The following MAN1C1 variants were observed in gnomAD, a reference collection of about 807,000 sequenced individuals.
MAN1C1 encodes mannosidase alpha class 1C member 1.
Under a neutral mutation model 71.5 loss-of-function variants are expected in MAN1C1, and 49 were observed. The ratio of observed to expected loss-of-function variants is 0.69; its 90% CI spans 0.54 to 0.87. The LOEUF is 0.87. MAN1C1 is among the 40% of genes least tolerant of loss of function. The probability of loss-of-function intolerance (pLI) is 0.00; values close to 1 mark genes in which losing one functional copy is unlikely to be tolerated. For synonymous variants in MAN1C1, 352 were observed against 343.7 expected (o/e 1.02, Z -0.27); for missense variants, 743 against 835.0 (o/e 0.89, Z 1.36).
chr1:25,657,896 T>C (rs749316701), intron 1 of MAN1C1, among the ~76,000 whole-genome samples: 1 of 152,238 alleles, frequency 6.6e-6, no homozygotes, highest in Non-Finnish European at 1.5e-5. Context: ...AACCCCAGGC[T>C]GAGCCTGTGT....
In MAN1C1 at chr1:25,617,727, C is replaced by T. The variant is rs1209936331; in HGVS notation, c.-71C>T. 1 of 1,451,106 alleles carries T rather than the reference C, an allele frequency of 6.9e-7. No homozygotes were observed. Among genetic ancestry groups the T allele is most frequent in the African/African-American group, 1.5e-5 (1 of 67,272 alleles). The allele number at this position is 1,451,106 out of a possible 1,614,324, so 89.9% of individuals were successfully genotyped here. ...CATCCCGGGCGGCGCTCCGGACGCC[C>T]TCCCCTCACCGCGCCCCCGCAGACA... On this transcript the variant is annotated 5_prime_UTR_variant, in exon 1 of 12. Coordinates refer to ENST00000374332, the MANE Select transcript of MAN1C1 (RefSeq NM_020379.4). This position sits in a 1 kb window ranked among gnomAD's most constrained non-coding sequence, Gnocchi z 5.1.
chr1:25,658,054 G>A (rs1194502674), intron 1 of MAN1C1, among the ~76,000 whole-genome samples: 1 of 152,206 alleles, frequency 6.6e-6, no homozygotes, highest in African/African-American at 2.4e-5. Flanking sequence ...CTGCCCCCTG[G>A]CCTTGACCTG....
intron 7 of MAN1C1, among the ~76,000 whole-genome samples, chr1:25,768,043 T>C (rs373275360): frequency 3.8e-4 from 20 of 53,192 alleles, no homozygotes; most frequent in Admixed American, 8.8e-4. Context: ...TCCCCTCACA[T>C]ACATCCACAC....
In MAN1C1 at chr1:25,764,733, A is replaced by AAAAC. The variant is rs143322859; in HGVS notation, c.1141+790_1141+793dup. Among the ~76,000 whole-genome samples, 336 of 152,094 alleles carry AAAAC rather than the reference A, an allele frequency of 2.2e-3. No individual in the cohort carries two copies. The highest frequency in any genetic ancestry group is 2.5e-3 in the East Asian group (13 of 5,134). On this transcript the variant is annotated intron_variant, in intron 7 of 11. Coordinates refer to ENST00000374332, the MANE Select transcript of MAN1C1 (RefSeq NM_020379.4). This position sits in a 1 kb window ranked among gnomAD's most constrained non-coding sequence, Gnocchi z 4.4. ...ACGCCTGGCTCCAACTTTAATTTAA[A>AAAAC]AAACAAACAAACAAACAAACAAACA...
At chr1:25,632,003 C>T (rs904864063) in intron 1 of MAN1C1, among the ~76,000 whole-genome samples, 8 of 152,140 alleles carry the variant, frequency 5.3e-5, no homozygotes, top group African/African-American at 7.2e-5. Context: ...ATCCTGAACT[C>T]CTGACCTCAA....
At chr1:25,696,715 T>C (rs978369694) in intron 2 of MAN1C1, among the ~76,000 whole-genome samples, 3 of 152,132 alleles carry the variant, frequency 2.0e-5, no homozygotes, top group Admixed American at 6.5e-5. Context: ...GGTGTGACCA[T>C]AGCTCACTGC....
intron 5 of MAN1C1, among the ~76,000 whole-genome samples, chr1:25,757,205 C>T (rs948917682): frequency 6.6e-6 from 1 of 152,220 alleles, no homozygotes; most frequent in Non-Finnish European, 1.5e-5. Flanking sequence ...GACCTCCACA[C>T]CCCCACGCCT....
At chr1:25,657,115 G>A (rs939510596) in intron 1 of MAN1C1, among the ~76,000 whole-genome samples, 43 of 152,258 alleles carry the variant, frequency 2.8e-4, no homozygotes, top group African/African-American at 8.2e-4. Flanking sequence ...GTGAGCCACC[G>A]CGCCCAGCCC....
intron 1 of MAN1C1, among the ~76,000 whole-genome samples, chr1:25,656,085 G>A (rs1451911650): frequency 9.2e-6 from 1 of 108,754 alleles, no homozygotes; most frequent in Non-Finnish European, 1.8e-5. Context: ...CTTAGGTTGG[G>A]ATTATCAGTC....
intron 1 of MAN1C1, among the ~76,000 whole-genome samples, chr1:25,665,239 C>T (rs996984737): frequency 2.6e-5 from 4 of 152,162 alleles, no homozygotes; most frequent in South Asian, 2.1e-4. Flanking sequence ...TGCCTGGTAA[C>T]GTCCCTTTGT....
chr1:25,690,985 C>T (rs958192700), intron 2 of MAN1C1, among the ~76,000 whole-genome samples: 7 of 152,142 alleles, frequency 4.6e-5, no homozygotes, highest in Admixed American at 1.3e-4. Flanking sequence ...TTACACCTGC[C>T]GCTAGGCTTT....
At chr1:25,774,872 T>C (rs973279048) in intron 8 of MAN1C1, among the ~76,000 whole-genome samples, 7 of 152,096 alleles carry the variant, frequency 4.6e-5, no homozygotes, top group Middle Eastern at 3.2e-3. Flanking sequence ...CTTGCACCGC[T>C]GCTTGCTGTG....
chr1:25,618,094 G>T lies in MAN1C1; in HGVS notation c.297G>T (p.Trp99Cys). ...CGGGCGAGGATGACCCCAGCAGCTG[G>T]GCCAGTCCCCGCCGCAGGAAAGGGG... ...PAPGEDDPSS[W>C]ASPRRRKGGL... Residue 99 changes from tryptophan (W) to cysteine (C), a missense_variant, in exon 1 of 12, where the codon TGG becomes TGT. Coordinates refer to ENST00000374332, the MANE Select transcript of MAN1C1 (RefSeq NM_020379.4). The T allele has an allele frequency of 6.6e-7, 1 of 1,515,636 alleles. No individual in the cohort carries two copies. The highest frequency in any genetic ancestry group is 1.4e-5 in the African/African-American group (1 of 69,910). The allele number at this position is 1,515,636 out of a possible 1,614,324, so 93.9% of individuals were successfully genotyped here. A position where few individuals can be genotyped will look rare whatever the true frequency, so the allele number is the denominator to read the frequency against.
In MAN1C1 at chr1:25,758,617, G is replaced by A. The variant is rs367876949; in HGVS notation, c.955G>A (p.Gly319Ser). 2.8e-5 allele frequency: 46 copies of A among 1,614,058 alleles called. No homozygotes were observed. Among genetic ancestry groups the A allele is most frequent in the Middle Eastern group, 3.3e-4 (2 of 6,084 alleles). Residue 319 changes from glycine (G) to serine (S), a missense_variant, in exon 6 of 12, where the codon GGC becomes AGC. Coordinates refer to ENST00000374332, the MANE Select transcript of MAN1C1 (RefSeq NM_020379.4). ...TGGGAACTGGGGCTGGGCCACAGCC[G>A]GCAGCAGCAGCATCTTGGCGGAGTT... ...KSGNWGWATA[G>S]SSSILAEFGS...
At chr1:25,633,551 A>G (rs1205547423) in intron 1 of MAN1C1, among the ~76,000 whole-genome samples, 1 of 62,766 alleles carries the variant, frequency 1.6e-5, no homozygotes, top group Non-Finnish European at 2.6e-5. Context: ...TTTTTTTTTC[A>G]CTGTTGTTGC....
At chr1:25,621,079 A>G (rs1474427597) in intron 1 of MAN1C1, among the ~76,000 whole-genome samples, 1 of 152,204 alleles carries the variant, frequency 6.6e-6, no homozygotes, top group Non-Finnish European at 1.5e-5. Context: ...CCTTCCTGTA[A>G]AATGGGGTGA....
intron 2 of MAN1C1, among the ~76,000 whole-genome samples, chr1:25,732,927 C>T (rs1404182457): frequency 6.6e-6 from 1 of 152,190 alleles, no homozygotes; most frequent in Non-Finnish European, 1.5e-5. Flanking sequence ...CTGTGGTCCA[C>T]AGGCCGTGTT....
intron 2 of MAN1C1, among the ~76,000 whole-genome samples, chr1:25,699,407 G>GC (rs1187944082): frequency 6.6e-6 from 1 of 152,136 alleles, no homozygotes; most frequent in African/African-American, 2.4e-5. Flanking sequence ...CAAGACCTCG[G>GC]CCCCTTGGGG....
In MAN1C1 at chr1:25,643,665, C is replaced by T. The variant is rs1008175240; in HGVS notation, c.540+25328C>T. ...GATTACAGACACCCGCCACCCCACCCAGCTAATTTTTTTGTATTTTTAGTA... is the reference window on the plus strand; with the variant it reads ...GATTACAGACACCCGCCACCCCACCTAGCTAATTTTTTTGTATTTTTAGTA... On this transcript the variant is annotated intron_variant, in intron 1 of 11. Transcript: ENST00000374332. Among the ~76,000 whole-genome samples, 3 of 149,970 alleles carry T rather than the reference C, an allele frequency of 2.0e-5. No individual in the cohort carries two copies. The East Asian group carries it at 5.9e-4, about 29-fold the overall frequency.
Sources: gnomAD v4.1 joint callset for allele counts (sites outside exome capture counted in the v4.1 genomes callset) on GRCh38, gnomAD v4.1.1 for gene constraint, Gnocchi (gnomAD v3.1) non-coding constraint, MANE v1.5 for transcripts, NCBI Gene and HGNC (gene_info 2026-07-23, HGNC 2026-07-21) for gene names.